PRKD3: variants seen among roughly 807,000 people sequenced by gnomAD.
PRKD3 encodes protein kinase D3.
Under a neutral mutation model 99.2 loss-of-function variants are expected in PRKD3, and 47 were observed. The ratio of observed to expected loss-of-function variants is 0.47; its 90% CI spans 0.38 to 0.60. PRKD3 has a LOEUF of 0.60. PRKD3 is among the 20% of genes least tolerant of loss of function. PRKD3 has a pLI of 0.00. For synonymous variants in PRKD3, 392 were observed against 355.4 expected (o/e 1.10, Z -1.16); for missense variants, 1,019 against 1,088.4 (o/e 0.94, Z 0.90).
intron 16 of PRKD3, among the ~76,000 whole-genome samples, chr2:37,259,229 T>C (rs1668223203): frequency 6.6e-6 from 1 of 152,200 alleles, no homozygotes; most frequent in Non-Finnish European, 1.5e-5. Flanking sequence ...TCAACCAAAA[T>C]CTATCTCCCA....
chr2:37,282,442 A>C, intron 7 of PRKD3, 100 bp downstream of exon 7: 1 of 795,046 alleles, frequency 1.3e-6, no homozygotes, highest in Non-Finnish European at 2.1e-6. Flanking sequence ...TCTTTAAGAA[A>C]CAAAATAAAT....
intron 1 of PRKD3, among the ~76,000 whole-genome samples, chr2:37,321,923 T>C (rs541436085): frequency 2.0e-5 from 3 of 152,362 alleles, no homozygotes; most frequent in African/African-American, 7.2e-5. Flanking sequence ...TAGTGCAGCA[T>C]CATTCTTTTT....
In PRKD3 at chr2:37,251,247, TAGA is replaced by T. The variant is rs1374076663; in HGVS notation, c.*1927_*1929del. On this transcript the variant is annotated 3_prime_UTR_variant, in exon 19 of 19. Coordinates refer to ENST00000234179, the MANE Select transcript of PRKD3 (RefSeq NM_005813.6). ...TTTGATTTAATCTTTGAAGCTTCTA[TAGA>T]AGGACAAATTACCAAGAGGGGAATG... 6.6e-6 allele frequency: 1 copy of T among 152,578 alleles called. No individual in the cohort carries two copies. The highest frequency in any genetic ancestry group is 2.4e-5 in the African/African-American group (1 of 41,444). 9.5% of individuals were successfully genotyped at this position (152,578 alleles called of 1,614,324 possible). A position where few individuals can be genotyped will look rare whatever the true frequency, so the allele number is the denominator to read the frequency against.
rs555174942 is a variant in PRKD3, at chr2:37,280,035, A to G, written c.989-106T>C. ...TAAAATGTAAGAAAATATCTTTATGAGTTAAGTAAAGTATTTCTCTTTTTT... is the reference window on the plus strand; with the variant it reads ...TAAAATGTAAGAAAATATCTTTATGGGTTAAGTAAAGTATTTCTCTTTTTT... On this transcript the variant is annotated intron_variant, in intron 7 of 18. Transcript: ENST00000234179. 8.2e-4 allele frequency: 549 copies of G among 673,504 alleles called. 9 individuals carry two copies. The South Asian group carries it at 0.012, about 14-fold the overall frequency. The allele number at this position is 673,504 out of a possible 1,614,324, so 41.7% of individuals were successfully genotyped here. A position where few individuals can be genotyped will look rare whatever the true frequency, so the allele number is the denominator to read the frequency against.
intron 8 of PRKD3, 75 bp from the exon 9 acceptor site, chr2:37,278,064 CT>C (rs1044893507): frequency 3.0e-5 from 39 of 1,291,388 alleles, no homozygotes; most frequent in Non-Finnish European, 3.9e-5. Flanking sequence ...AACATGAAGC[CT>C]TTTTAAAGAC....
intron 2 of PRKD3, among the ~76,000 whole-genome samples, chr2:37,306,033 G>A (rs1671150447): frequency 6.6e-6 from 1 of 151,380 alleles, no homozygotes; most frequent in African/African-American, 2.4e-5. Flanking sequence ...ACTCTGCTAT[G>A]GCATAATATA....
At chr2:37,300,380 A>C (rs1013099230) in intron 2 of PRKD3, among the ~76,000 whole-genome samples, 1 of 152,184 alleles carries the variant, frequency 6.6e-6, no homozygotes, top group Admixed American at 6.5e-5. Context: ...TCTGAAGGGT[A>C]GTGGGTGGGG....
At chr2:37,256,627 A>ATTTTTTTTTTTT (rs1385820838) in intron 17 of PRKD3, 35 bp downstream of exon 17, 2 of 1,245,998 alleles carry the variant, frequency 1.6e-6, no homozygotes, top group Middle Eastern at 2.7e-4. Flanking sequence ...ACATAGCCAA[A>ATTTTTTTTTTTT]ATTTTTTTTT....
chr2:37,254,454 T>G (rs757354977), intron 17 of PRKD3, among the ~76,000 whole-genome samples, 165 bp from the exon 18 acceptor site: 8 of 152,316 alleles, frequency 5.3e-5, no homozygotes, highest in Non-Finnish European at 8.8e-5. Context: ...TCATAAATGT[T>G]TACTGATTTA....
At chr2:37,324,216 A>T in intron 1 of PRKD3, 1 of 985,492 alleles carries the variant, frequency 1.0e-6, no homozygotes, top group South Asian at 4.7e-5. Context: ...GACGACTACA[A>T]CGCAAAGTGA....
chr2:37,320,423 CTTTTT>C lies in PRKD3; in HGVS notation c.-655-3249_-655-3245del, dbSNP rs35158902. 2.7e-4 allele frequency among the ~76,000 whole-genome samples: 21 copies of C among 78,158 alleles called. No homozygotes were observed. In the South Asian group the frequency reaches 3.5e-3, roughly 13 times the overall value. The allele number at this position is 78,158 out of a possible 152,430, so 51.3% of individuals were successfully genotyped here. ...AATAAAACTGTATGCAAGTTAACGA[CTTTTT>C]TTTTTTTTTTTTTTTTTTTTTGAGA... On this transcript the variant is annotated intron_variant, in intron 1 of 18. Coordinates refer to ENST00000234179, the MANE Select transcript of PRKD3 (RefSeq NM_005813.6).
At chr2:37,311,921 T>C (rs1572701489) in intron 2 of PRKD3, among the ~76,000 whole-genome samples, 1 of 152,204 alleles carries the variant, frequency 6.6e-6, no homozygotes, top group African/African-American at 2.4e-5. Context: ...TCCAGTGCAG[T>C]CTGGGTTGAA....
chr2:37,313,729 A>T (rs957662748), intron 2 of PRKD3, among the ~76,000 whole-genome samples: 1 of 152,230 alleles, frequency 6.6e-6, no homozygotes, highest in Admixed American at 6.5e-5. Context: ...TCCCTCACTT[A>T]AGATGATTTG....
At chr2:37,285,357 G>A (rs1213613950) in intron 6 of PRKD3, among the ~76,000 whole-genome samples, 1 of 152,120 alleles carries the variant, frequency 6.6e-6, no homozygotes, top group African/African-American at 2.4e-5. Context: ...TTAAAAACTT[G>A]TTTCATTAAG....
At chr2:37,255,882 T>A (rs536030399) in intron 17 of PRKD3, among the ~76,000 whole-genome samples, 1 of 152,114 alleles carries the variant, frequency 6.6e-6, no homozygotes, top group South Asian at 2.1e-4. Context: ...TGGCCCATGG[T>A]GCATACCCAT....
chr2:37,301,496 T>A (rs557520413), intron 2 of PRKD3, among the ~76,000 whole-genome samples: 8 of 152,190 alleles, frequency 5.3e-5, no homozygotes, highest in African/African-American at 1.9e-4. Flanking sequence ...TGTAGTGGCT[T>A]GATCACTGCT....
At chr2:37,291,168 G>A (rs905258060) in intron 3 of PRKD3, among the ~76,000 whole-genome samples, 169 bp from the exon 4 acceptor site, 1 of 152,190 alleles carries the variant, frequency 6.6e-6, no homozygotes, top group Non-Finnish European at 1.5e-5. Flanking sequence ...CTCTAGTTTA[G>A]CAAGTCCATT....
At chr2:37,266,729 C>T (rs1266244838) in intron 14 of PRKD3, among the ~76,000 whole-genome samples, 2 of 152,134 alleles carry the variant, frequency 1.3e-5, no homozygotes, top group African/African-American at 4.8e-5. Context: ...CTCAGGTGAT[C>T]CACCCGCCTT....
chr2:37,294,194 C>T (rs766470203), intron 2 of PRKD3, among the ~76,000 whole-genome samples: 5 of 152,144 alleles, frequency 3.3e-5, no homozygotes, highest in Admixed American at 2.0e-4. Context: ...AACTCCCAGG[C>T]TCGTGATCCT....
Sources: gnomAD v4.1 joint callset for allele counts (sites outside exome capture counted in the v4.1 genomes callset) on GRCh38, gnomAD v4.1.1 for gene constraint, MANE v1.5 for transcripts, NCBI Gene and HGNC (gene_info 2026-07-23, HGNC 2026-07-21) for gene names.